Variants in COL18A1 observed in about 807,000 individuals in gnomAD.
COL18A1 encodes the protein collagen alpha-1(XVIII) chain.
COL18A1 carries 133 observed loss-of-function variants against 168.0 expected under a neutral mutation model. The observed-to-expected ratio is 0.79, with a 90% CI of 0.69 to 0.91. The LOEUF is 0.91. Ranked by LOEUF, COL18A1 falls within the 40% of genes least tolerant of loss-of-function variation. The pLI, the probability that COL18A1 is intolerant of heterozygous loss-of-function variation, is 0.00. For missense variants in COL18A1, 2,126 were observed against 1,925.4 expected, an observed-to-expected ratio of 1.10 and a Z score of -1.95; for synonymous variants, 949 against 809.0, an observed-to-expected ratio of 1.17 and a Z score of -2.94.
chr21:45,462,543 A>G (rs764068062), intron 2 of COL18A1, among the ~76,000 whole-genome samples: 1 of 152,166 alleles, frequency 6.6e-6, no homozygotes, highest in Admixed American at 6.5e-5. Flanking sequence ...AGATTCCTCT[A>G]GTGATGTTTT....
rs907713687 is a variant in COL18A1, at chr21:45,476,482, T to C, written c.928+2T>C. 6.9e-6 allele frequency: 11 copies of C among 1,599,454 alleles called. No homozygotes were observed. The African/African-American group carries it at 1.3e-4, about 20-fold the overall frequency. On this transcript the variant is annotated splice_donor_variant, in intron 6 of 41. Transcript: ENST00000651438. LOFTEE classifies it high-confidence loss of function. ...AGACCACGGTGGCTTCGTTAGGAGG[T>C]AAGCTCTTTTCTGGATGTGGTGTGT...
chr21:45,486,595 T>C (rs2036121770), intron 15 of COL18A1, among the ~76,000 whole-genome samples: 2 of 152,200 alleles, frequency 1.3e-5, no homozygotes, highest in Admixed American at 1.3e-4. Context: ...CCGCTGTGCA[T>C]GTGGGCCTCC....
chr21:45,497,883 C>T (rs924759109), intron 32 of COL18A1: 2 of 627,282 alleles, frequency 3.2e-6, no homozygotes, highest in African/African-American at 1.8e-5. Context: ...AGCAAGATAG[C>T]CCCATCACCT....
chr21:45,412,011 C>T (rs1350282439), intron 2 of COL18A1, among the ~76,000 whole-genome samples: 2 of 152,030 alleles, frequency 1.3e-5, no homozygotes, highest in South Asian at 2.1e-4. Context: ...GGGAACGTGG[C>T]GTTCACCGTG....
chr21:45,411,771 G>C (rs1214527268), intron 2 of COL18A1, among the ~76,000 whole-genome samples: 1 of 136,444 alleles, frequency 7.3e-6, no homozygotes, highest in Non-Finnish European at 1.6e-5. Flanking sequence ...GGGGGTGGGG[G>C]GGGGGCAGGC....
chr21:45,506,106 T>C (rs2037189149), intron 37 of COL18A1, 140 bp downstream of exon 37: 1 of 1,339,922 alleles, frequency 7.5e-7, no homozygotes, highest in South Asian at 1.2e-5. Context: ...TTCAAACTTT[T>C]GGTAAAGTTT....
At chr21:45,487,614 C>T (rs765579186) in intron 17 of COL18A1, 105 bp downstream of exon 17, 11 of 1,456,656 alleles carry the variant, frequency 7.6e-6, no homozygotes, top group Admixed American at 3.3e-5. Flanking sequence ...GATCGGAAGC[C>T]GCCCTGCAGA....
intron 3 of COL18A1, among the ~76,000 whole-genome samples, chr21:45,470,708 A>G (rs184433373): frequency 1.3e-5 from 2 of 152,164 alleles, no homozygotes; most frequent in Non-Finnish European, 2.9e-5. Context: ...GCTGGTCTCG[A>G]ACTCCCGACC....
At chr21:45,496,112 CCTCCAAGCCCTCCATGCT>C in intron 29 of COL18A1, 1 of 378,398 alleles carries the variant, frequency 2.6e-6, no homozygotes. Flanking sequence ...CCCTCCATGC[CCTCCAAGCCCTCCATGCT>C]GGGGGTTCTC....
intron 2 of COL18A1, among the ~76,000 whole-genome samples, chr21:45,447,211 C>A (rs1249369893): frequency 6.7e-6 from 1 of 149,884 alleles, no homozygotes; most frequent in East Asian, 1.9e-4. Flanking sequence ...ATATATATAT[C>A]ATATATCATA....
chr21:45,439,653 G>T lies in COL18A1; in HGVS notation c.107-28589G>T, dbSNP rs962768054. On this transcript the variant is annotated intron_variant, in intron 2 of 41. Coordinates refer to ENST00000651438, the MANE Select transcript of COL18A1 (RefSeq NM_001379500.1). ...CAAGTCCTGTGCGCGGGGCCTCCGG[G>T]TCTGCGAGCTGCGGCCGTGTTCAGA... is the stretch of plus-strand genomic sequence containing the variant. Among the ~76,000 whole-genome samples the T allele has an allele frequency of 5.9e-5, 9 of 152,258 alleles. 1 individual carries two copies. Among genetic ancestry groups the T allele is most frequent in the Admixed American group, 4.6e-4 (7 of 15,288 alleles).
intron 18 of COL18A1, 73 bp from the exon 19 acceptor site, chr21:45,489,413 C>A: frequency 8.7e-7 from 1 of 1,145,162 alleles, no homozygotes; most frequent in Non-Finnish European, 1.3e-6. Context: ...CCCTTCCCTT[C>A]ACCCGGGGTG....
chr21:45,455,640 A>G, intron 2 of COL18A1: 1 of 1,613,914 alleles, frequency 6.2e-7, no homozygotes, highest in Non-Finnish European at 8.5e-7. Context: ...AATAATGAGG[A>G]CACCAGCCAT....
rs906823392 is a variant in COL18A1, at chr21:45,471,541, G to C, written c.652-2354G>C. Among the ~76,000 whole-genome samples, 1 of 152,136 alleles carries C rather than the reference G, an allele frequency of 6.6e-6. No homozygotes were observed. Among genetic ancestry groups the C allele is most frequent in the South Asian group, 2.1e-4 (1 of 4,826 alleles). On this transcript the variant is annotated intron_variant, in intron 3 of 41. Coordinates refer to ENST00000651438, the MANE Select transcript of COL18A1 (RefSeq NM_001379500.1). The surrounding 1 kb of genome is among the most constrained non-coding windows in gnomAD (Gnocchi z 4.4). ...GCCACAGATGGTGCCTGGGACCCCC[G>C]GCCGCAGCTGGGTCCAACAGAGCCC...
chr21:45,476,430 A>C lies in COL18A1; in HGVS notation c.878A>C (p.Asp293Ala). The change falls in exon 6 of 42, where the codon GAT becomes GCT. Residue 293 changes from aspartate (D) to alanine (A), a missense_variant. Asp to Ala is a moderately radical substitution (Grantham distance 126, BLOSUM62 -2). Coordinates refer to ENST00000651438, the MANE Select transcript of COL18A1 (RefSeq NM_001379500.1). ...TTGGCTGGAGGCAGCAGCACGGAAGATTCCAGAAGTGAAGAAGTCGAGGAG... is the reference window on the plus strand; with the variant it reads ...TTGGCTGGAGGCAGCAGCACGGAAGCTTCCAGAAGTGAAGAAGTCGAGGAG... ...PPLAGGSSTEDSRSEEVEEQT... is the reference protein window; with the variant it reads ...PPLAGGSSTEASRSEEVEEQT... The C allele has an allele frequency of 6.2e-7, 1 of 1,614,136 alleles. No individual in the cohort carries two copies.
intron 15 of COL18A1, among the ~76,000 whole-genome samples, chr21:45,484,501 T>C (rs1556328): frequency 0.26 from 31,901 of 124,988 alleles, 3,398 homozygotes; most frequent in Middle Eastern, 0.3. Flanking sequence ...CACACACACA[T>C]GCACCTCTCC....
In COL18A1 at chr21:45,476,477, G is replaced by A. The variant is rs369289615; in HGVS notation, c.925G>A (p.Gly309Arg). 14 of 1,604,192 alleles carry A rather than the reference G, an allele frequency of 8.7e-6. No homozygotes were observed. The highest frequency in any genetic ancestry group is 1.2e-5 in the Non-Finnish European group (14 of 1,175,290). Residue 309 changes from glycine to arginine, a missense_variant, in exon 6 of 42, where the codon GGA becomes AGA. Physicochemically the swap from Gly to Arg is moderately radical, Grantham distance 125 (BLOSUM62 -2). Coordinates refer to ENST00000651438, the MANE Select transcript of COL18A1 (RefSeq NM_001379500.1). ...GGAGCAGACCACGGTGGCTTCGTTA[G>A]GAGGTAAGCTCTTTTCTGGATGTGG... ...VEEQTTVASL[G>R]AQTLPGSDSV...
intron 38 of COL18A1, among the ~76,000 whole-genome samples, chr21:45,508,324 T>C (rs1046498617): frequency 6.8e-6 from 1 of 146,558 alleles, no homozygotes; most frequent in Non-Finnish European, 1.5e-5. Context: ...GGTGGGTGAG[T>C]GGATAGATGG....
rs1022303980 is a variant in COL18A1, at chr21:45,509,483, C to G, written c.3377C>G (p.Pro1126Arg). 6 of 1,527,722 alleles carry G rather than the reference C, an allele frequency of 3.9e-6. No individual in the cohort carries two copies. In the South Asian group the frequency reaches 4.7e-5, roughly 12 times the overall value. 94.6% of individuals were successfully genotyped at this position (1,527,722 alleles called of 1,614,324 possible). ...WRADDILASP[P>R]RLPEPQPYPG... ...GCAGATGACATCCTGGCCAGCCCCC[C>G]TCGCCTGCCCGAGCCCCAGCCCTAC... The change falls in exon 39 of 42, where the codon CCT becomes CGT. Residue 1126 changes from proline (P) to arginine (R), a missense_variant. By Grantham distance (103) the Pro-to-Arg change is moderately radical. Coordinates refer to ENST00000651438, the MANE Select transcript of COL18A1 (RefSeq NM_001379500.1).
Sources: gnomAD v4.1 joint callset for allele counts (sites outside exome capture counted in the v4.1 genomes callset) on GRCh38, gnomAD v4.1.1 for gene constraint, Gnocchi (gnomAD v3.1) non-coding constraint, MANE v1.5 for transcripts, NCBI Gene and HGNC (gene_info 2026-07-23, HGNC 2026-07-21) for gene names.